ZNF678: variants seen among roughly 807,000 people sequenced by gnomAD.
ZNF678 encodes the protein zinc finger protein 678.
Under a neutral mutation model 3.0 loss-of-function variants are expected in ZNF678, and 5 were observed. The ratio of observed to expected loss-of-function variants is 1.69; its 90% CI spans 0.88 to 3.56. ZNF678 has a LOEUF of 3.56. Ranked by LOEUF, ZNF678 falls within the 30% of genes most tolerant of loss-of-function variation. The pLI, the probability that ZNF678 is intolerant of heterozygous loss-of-function variation, is 0.00. For synonymous variants in ZNF678, 218 were observed against 199.6 expected (o/e 1.09, Z -0.78); for missense variants, 593 against 605.0 (o/e 0.98, Z 0.21).
intron 1 of ZNF678, chr1:227,582,568 AT>A: frequency 4.2e-6 from 1 of 238,288 alleles, no homozygotes; most frequent in South Asian, 4.3e-5. Context: ...CCCTCAAGTG[AT>A]TCTTCTGCCT....
chr1:227,631,050 A>G (rs962666877), intron 1 of ZNF678, among the ~76,000 whole-genome samples: 1 of 152,082 alleles, frequency 6.6e-6, no homozygotes, highest in African/African-American at 2.4e-5. Flanking sequence ...GAGGAATATA[A>G]GTTGTTTCTT....
intron 5 of ZNF678, among the ~76,000 whole-genome samples, chr1:227,668,137 GT>G (rs1659539556): frequency 6.6e-6 from 1 of 152,164 alleles, no homozygotes; most frequent in African/African-American, 2.4e-5. Flanking sequence ...GAGTAAAAGT[GT>G]TTTGTATCCC....
At chr1:227,667,464 T>G (rs1013434014) in intron 5 of ZNF678, among the ~76,000 whole-genome samples, 8 of 152,146 alleles carry the variant, frequency 5.3e-5, no homozygotes, top group Admixed American at 5.2e-4. Flanking sequence ...AAAACTTGGT[T>G]CACAGGCTAC....
intron 1 of ZNF678, among the ~76,000 whole-genome samples, chr1:227,632,133 T>C (rs1395199790): frequency 1.3e-5 from 2 of 152,074 alleles, no homozygotes; most frequent in Non-Finnish European, 2.9e-5. Context: ...GGGGAATGGG[T>C]CCCACATAAC....
Position 227,604,154 on chromosome 1 carries a change from T to C in ZNF678, c.-164+40430T>C, listed in dbSNP as rs1558140036. 2.0e-5 allele frequency among the ~76,000 whole-genome samples: 3 copies of C among 152,362 alleles called. No homozygotes were observed. The South Asian group carries it at 6.2e-4, about 32-fold the overall frequency. ...AACAAACAATGTTCCAGTGAGTCTT[T>C]GTGTGAACCAACATTTTCATCTCTT... On this transcript the variant is annotated intron_variant, in intron 1 of 3. Coordinates refer to ENST00000343776, the MANE Select transcript of ZNF678 (RefSeq NM_001367909.1).
At chr1:227,614,239 G>A (rs1658089985) in intron 1 of ZNF678, among the ~76,000 whole-genome samples, 1 of 152,174 alleles carries the variant, frequency 6.6e-6, no homozygotes, top group East Asian at 1.9e-4. Context: ...AGATTTGACT[G>A]CTGCTTTTTA....
At chr1:227,599,072 G>C in intron 1 of ZNF678, 1 of 1,597,074 alleles carries the variant, frequency 6.3e-7, no homozygotes, top group Non-Finnish European at 8.6e-7. Flanking sequence ...CTGTATTGTT[G>C]GCCCTGAAGA....
chr1:227,646,183 CTTG>C (rs1243589976), intron 1 of ZNF678, among the ~76,000 whole-genome samples: 2 of 152,184 alleles, frequency 1.3e-5, no homozygotes, highest in Non-Finnish European at 2.9e-5. Context: ...TTTCCAATTT[CTTG>C]TTGTATGCGT....
intron 5 of ZNF678, among the ~76,000 whole-genome samples, chr1:227,669,076 T>A: frequency 6.7e-6 from 1 of 149,362 alleles, no homozygotes; most frequent in Non-Finnish European, 1.5e-5. Flanking sequence ...CTAATTAAAC[T>A]AAAGATTTTC....
chr1:227,622,943 A>T (rs1454392694), intron 1 of ZNF678, among the ~76,000 whole-genome samples: 1 of 152,142 alleles, frequency 6.6e-6, no homozygotes, highest in Non-Finnish European at 1.5e-5. Context: ...ATATAATCAC[A>T]TTCTTGCAAT....
At chr1:227,563,836 G>A in intron 1 of ZNF678, 112 bp downstream of exon 1, 1 of 1,060,214 alleles carries the variant, frequency 9.4e-7, no homozygotes, top group Non-Finnish European at 1.3e-6. Context: ...TCACCTCTGG[G>A]TAGGGGCGGG....
chr1:227,568,861 G>A (rs746241477), intron 1 of ZNF678, among the ~76,000 whole-genome samples: 24 of 152,180 alleles, frequency 1.6e-4, no homozygotes, highest in Non-Finnish European at 2.8e-4. Context: ...ACTGGTTGGT[G>A]ATCAGGAAAC....
At chr1:227,598,730 G>A (rs1304724315) in intron 1 of ZNF678, 2 of 523,592 alleles carry the variant, frequency 3.8e-6, no homozygotes, top group East Asian at 4.3e-5. Flanking sequence ...ATTATGACAT[G>A]GAGCTTTCAG....
intron 1 of ZNF678, among the ~76,000 whole-genome samples, chr1:227,607,368 C>A (rs1657900478): frequency 1.3e-5 from 2 of 152,092 alleles, no homozygotes; most frequent in Non-Finnish European, 2.9e-5. Flanking sequence ...TCATACCTAC[C>A]ACTCAGACAT....
chr1:227,579,117 T>G (rs1462706613), intron 1 of ZNF678, among the ~76,000 whole-genome samples: 2 of 152,062 alleles, frequency 1.3e-5, no homozygotes, highest in East Asian at 3.9e-4. Flanking sequence ...CACTGCACTG[T>G]ATATATGGTG....
At chr1:227,593,180 C>CT (rs1027912458) in intron 1 of ZNF678, among the ~76,000 whole-genome samples, 2 of 152,246 alleles carry the variant, frequency 1.3e-5, no homozygotes, top group Admixed American at 6.5e-5. Flanking sequence ...GCCTGGTCTA[C>CT]TGGAGGACCA....
intron 1 of ZNF678, among the ~76,000 whole-genome samples, chr1:227,602,487 A>C (rs1657760675): frequency 6.6e-6 from 1 of 152,082 alleles, no homozygotes; most frequent in Admixed American, 6.5e-5. Flanking sequence ...CAAGTCTCTT[A>C]TTTGGACCAC....
intron 3 of ZNF678, among the ~76,000 whole-genome samples, chr1:227,652,724 A>G (rs1356918651): frequency 6.6e-6 from 1 of 152,114 alleles, no homozygotes; most frequent in Non-Finnish European, 1.5e-5. Flanking sequence ...CATATTATAG[A>G]GACATCAACA....
chr1:227,592,128 A>C (rs937621407), intron 1 of ZNF678, among the ~76,000 whole-genome samples: 1 of 152,202 alleles, frequency 6.6e-6, no homozygotes. Context: ...GTTATGTTCA[A>C]CTGGGCTCTC....
Sources: gnomAD v4.1 joint callset for allele counts (sites outside exome capture counted in the v4.1 genomes callset) on GRCh38, gnomAD v4.1.1 for gene constraint, MANE v1.5 for transcripts, NCBI Gene and HGNC (gene_info 2026-07-23, HGNC 2026-07-21) for gene names.